The following CAMTA1 variants were observed in gnomAD, a reference collection of about 807,000 sequenced individuals.
CAMTA1 encodes calmodulin binding transcription activator 1.
Under a neutral mutation model 170.9 loss-of-function variants are expected in CAMTA1, and 27 were observed. That is an observed-to-expected ratio of 0.16 (90% CI 0.12 to 0.22). The LOEUF (loss-of-function observed/expected upper bound fraction) is 0.22. CAMTA1 is among the 10% of genes least tolerant of loss of function. The pLI is 1.00. For synonymous variants in CAMTA1, 833 were observed against 891.5 expected, an observed-to-expected ratio of 0.93 and a Z score of 1.17; for missense variants, 1,619 against 2,217.2, an observed-to-expected ratio of 0.73 and a Z score of 5.42.
intron 4 of CAMTA1, among the ~76,000 whole-genome samples, chr1:7,108,860 T>G (rs565616554): frequency 6.6e-6 from 1 of 152,320 alleles, no homozygotes; most frequent in South Asian, 2.1e-4. Context: ...CTTAGCCAGG[T>G]CTCAAGGTTT....
chr1:6,961,157 G>A lies in CAMTA1; in HGVS notation c.235-130147G>A, dbSNP rs147013099. 2.9e-3 allele frequency among the ~76,000 whole-genome samples: 449 copies of A among 152,358 alleles called. 2 individuals carry two copies. The highest frequency in any genetic ancestry group is 0.01 in the African/African-American group (416 of 41,584). On this transcript the variant is annotated intron_variant, in intron 3 of 22. Coordinates refer to ENST00000303635, the MANE Select transcript of CAMTA1 (RefSeq NM_015215.4). ...TCCCTAACTTGTCTGAATTTAGGAA[G>A]GTTTGGAGAAAGCGATTGGGCTGCG...
rs189413414 is a variant in CAMTA1 at position 7,398,080 on chromosome 1, C to T, written c.439-69750C>T. Among the ~76,000 whole-genome samples the T allele has an allele frequency of 4.1e-3, 602 of 147,966 alleles. 5 individuals are homozygous for T. The highest frequency in any genetic ancestry group is 0.014 in the African/African-American group (576 of 40,448). On this transcript the variant is annotated intron_variant, in intron 5 of 22. Coordinates refer to ENST00000303635, the MANE Select transcript of CAMTA1 (RefSeq NM_015215.4). ...GATCTGTTCATTGCTGAATGTGGGG[C>T]TGGATATTGGAGTCTCCTACTATTA...
intron 3 of CAMTA1, among the ~76,000 whole-genome samples, chr1:7,054,305 C>G (rs1249352180): frequency 6.6e-6 from 1 of 152,246 alleles, no homozygotes; most frequent in African/African-American, 2.4e-5. Flanking sequence ...GCCAGGCCGC[C>G]TCTGCATGTC....
chr1:7,468,998 G>A (rs1006126081), intron 6 of CAMTA1, among the ~76,000 whole-genome samples: 4 of 152,206 alleles, frequency 2.6e-5, no homozygotes, highest in Admixed American at 6.5e-5. Context: ...TGTGGAGGCC[G>A]GGCTCAGCCT....
chr1:7,347,372 C>T (rs2084303107), intron 5 of CAMTA1, among the ~76,000 whole-genome samples: 1 of 152,170 alleles, frequency 6.6e-6, no homozygotes, highest in African/African-American at 2.4e-5. Context: ...AGCTCCAGAG[C>T]CCAGCCAGTC....
chr1:6,968,138 C>G (rs1192832586), intron 3 of CAMTA1, among the ~76,000 whole-genome samples: 2 of 152,162 alleles, frequency 1.3e-5, no homozygotes. Flanking sequence ...TTCCGTTGGC[C>G]CCTCCCTGCC....
chr1:7,028,110 G>T (rs1198336700), intron 3 of CAMTA1, among the ~76,000 whole-genome samples: 1 of 152,014 alleles, frequency 6.6e-6, no homozygotes, highest in Admixed American at 6.5e-5. Flanking sequence ...TCACCATGTT[G>T]GTCAGGCTGG....
At chr1:7,457,070 A>G (rs1037401454) in intron 5 of CAMTA1, among the ~76,000 whole-genome samples, 1 of 30,508 alleles carries the variant, frequency 3.3e-5, no homozygotes, top group Admixed American at 3.8e-4. Context: ...CGTGCCCCTC[A>G]CCCGCCCCCT....
At chr1:6,799,325 T>A (rs1643358093) in intron 1 of CAMTA1, among the ~76,000 whole-genome samples, 1 of 152,204 alleles carries the variant, frequency 6.6e-6, no homozygotes, top group South Asian at 2.1e-4. Context: ...TGTCTCAGCC[T>A]CCCAAAGTGC....
intron 3 of CAMTA1, among the ~76,000 whole-genome samples, chr1:6,925,310 C>T (rs1682874610): frequency 6.6e-6 from 1 of 152,228 alleles, no homozygotes; most frequent in South Asian, 2.1e-4. Context: ...TCTCATGCCT[C>T]CCCTGCGCGT....
At chr1:7,018,144 T>TTTTTTTTTTTTTTTTTTGAG in intron 3 of CAMTA1, among the ~76,000 whole-genome samples, 1 of 151,460 alleles carries the variant, frequency 6.6e-6, no homozygotes, top group Middle Eastern at 3.4e-3. Context: ...CAGGGCTTTT[T>TTTTTTTTTTTTTTTTTTGAG]AACAGATGGT....
chr1:7,190,121 C>T (rs913967698), intron 4 of CAMTA1, among the ~76,000 whole-genome samples: 4 of 152,078 alleles, frequency 2.6e-5, no homozygotes, highest in Non-Finnish European at 5.9e-5. Context: ...GTGGATTTTG[C>T]GGACTCGGGG....
chr1:7,638,658 T>C (rs2095735490), intron 6 of CAMTA1, among the ~76,000 whole-genome samples: 1 of 151,142 alleles, frequency 6.6e-6, no homozygotes, highest in Non-Finnish European at 1.5e-5. Context: ...AAAAAAAAGG[T>C]TCAAGAAATA....
intron 3 of CAMTA1, among the ~76,000 whole-genome samples, chr1:6,945,056 C>T (rs1420290455): frequency 6.6e-6 from 1 of 152,320 alleles, no homozygotes; most frequent in East Asian, 1.9e-4. Flanking sequence ...GGCTCCTACT[C>T]TGAGAGGGCA....
chr1:7,088,836 G>A lies in CAMTA1; in HGVS notation c.235-2468G>A, dbSNP rs186919099. Among the ~76,000 whole-genome samples the A allele has an allele frequency of 1.5e-3, 229 of 152,336 alleles. No individual in the cohort carries two copies. In the Middle Eastern group the frequency reaches 0.017, roughly 11 times the overall value. Reference sequence around the variant, plus strand: ...GATCTCCTGAAGTTCAGGTAGATAAGCTGATGCACGTGACAAGTGGCTTAG... The same window carrying A: ...GATCTCCTGAAGTTCAGGTAGATAAACTGATGCACGTGACAAGTGGCTTAG... On this transcript the variant is annotated intron_variant, in intron 3 of 22. Transcript: ENST00000303635.
rs557835616 is a variant in CAMTA1 at position 7,230,438 on chromosome 1, C to T, written c.303-19053C>T. 4.9e-5 allele frequency among the ~76,000 whole-genome samples: 4 copies of T among 81,868 alleles called. 1 individual carries two copies. Among genetic ancestry groups the T allele is most frequent in the Non-Finnish European group, 7.7e-5 (3 of 38,858 alleles). 53.7% of individuals were successfully genotyped at this position (81,868 alleles called of 152,430 possible). ...GGGCTGCTGCTCTGGGCTGACCCCCCCCCCCCGCCCCGCAAAGCTCTGTGG... is the reference window on the plus strand; with the variant it reads ...GGGCTGCTGCTCTGGGCTGACCCCCTCCCCCCGCCCCGCAAAGCTCTGTGG... On this transcript the variant is annotated intron_variant, in intron 4 of 22. Transcript: ENST00000303635.
chr1:6,889,303 GAAAT>G (rs1180678968), intron 3 of CAMTA1, among the ~76,000 whole-genome samples: 4 of 152,132 alleles, frequency 2.6e-5, no homozygotes, highest in African/African-American at 9.7e-5. Flanking sequence ...CTGAGGTGAA[GAAAT>G]AAATGTAGAA....
At chr1:7,714,533 T>C (rs1231542699) in intron 11 of CAMTA1, among the ~76,000 whole-genome samples, 2 of 152,158 alleles carry the variant, frequency 1.3e-5, no homozygotes, top group African/African-American at 4.8e-5. Context: ...GCATCCTTTT[T>C]TTTTTGGAGA....
In CAMTA1 at chr1:7,301,710, C is replaced by T. The variant is rs78403641; in HGVS notation, c.438+52084C>T. The stretch of plus-strand genomic sequence containing the variant: ...GGACAGACATGATGAGTGCTGGGGG[C>T]GCCCAGGTCCGGGGTGCTCCTGGGA... On this transcript the variant is annotated intron_variant, in intron 5 of 22. Transcript: ENST00000303635. 5.6e-3 allele frequency among the ~76,000 whole-genome samples: 860 copies of T among 152,308 alleles called. 4 individuals are homozygous for T. Among genetic ancestry groups the T allele is most frequent in the Non-Finnish European group, 8.7e-3 (592 of 68,042 alleles).
Sources: allele counts gnomAD v4.1 joint callset (sites outside exome capture counted in the v4.1 genomes callset), GRCh38; gene constraint gnomAD v4.1.1; transcripts MANE v1.5; gene names NCBI Gene and HGNC (gene_info 2026-07-23, HGNC 2026-07-21).